The following GNG7 variants were observed in gnomAD, a reference collection of about 807,000 sequenced individuals.
GNG7 encodes the protein guanine nucleotide-binding protein G(I)/G(S)/G(O) subunit gamma-7.
GNG7 carries 1 observed loss-of-function variant against 4.0 expected under a neutral mutation model. The observed-to-expected ratio is 0.25, with a 90% CI of 0.09 to 1.18. The LOEUF is 1.18. GNG7 is among the 50% of genes most tolerant of loss of function. The probability of loss-of-function intolerance (pLI) is 0.50; values close to 1 mark genes in which losing one functional copy is unlikely to be tolerated. For missense variants in GNG7, 86 were observed against 91.9 expected (o/e 0.94, Z 0.26); for synonymous variants, 34 against 36.9 (o/e 0.92, Z 0.29).
intron 1 of GNG7, among the ~76,000 whole-genome samples, chr19:2,649,551 G>C (rs11669153): frequency 6.6e-6 from 1 of 151,680 alleles, no homozygotes; most frequent in Non-Finnish European, 1.5e-5. Flanking sequence ...CACCACCCCC[G>C]GCTAATTTTT....
At position 2,609,235 on chromosome 19, in the gene GNG7, A is replaced by G. The variant is rs571452467; in HGVS notation, c.-78+36989T>C. Among the ~76,000 whole-genome samples the G allele has an allele frequency of 2.9e-4, 44 of 152,190 alleles. No homozygotes were observed. The highest frequency in any genetic ancestry group is 1.1e-3 in the African/African-American group (44 of 41,524). On this transcript the variant is annotated intron_variant, in intron 2 of 4. Transcript: ENST00000382159. The surrounding 1 kb of genome is among the most constrained non-coding windows in gnomAD (Gnocchi z 4.4). ...GAGATGGGGGTCTCACTATGTTGCC[A>G]AGGCTGGTCTTGAACTCCTAGCCTC...
chr19:2,556,815 T>A (rs963789526), intron 2 of GNG7, among the ~76,000 whole-genome samples: 1 of 152,140 alleles, frequency 6.6e-6, no homozygotes, highest in African/African-American at 2.4e-5. Context: ...GGCGGGAGCA[T>A]CCTGGGCTCT....
intron 2 of GNG7, chr19:2,643,600 G>C (rs1330599572): frequency 2.3e-6 from 1 of 433,074 alleles, no homozygotes; most frequent in Non-Finnish European, 4.6e-6. Flanking sequence ...GCCCGGCTCC[G>C]TCGGCACCGG....
At chr19:2,660,682 T>C (rs1206052603) in intron 1 of GNG7, among the ~76,000 whole-genome samples, 1 of 152,124 alleles carries the variant, frequency 6.6e-6, no homozygotes, top group African/African-American at 2.4e-5. Flanking sequence ...TCACAGCTAC[T>C]TGGAAGCCTG....
chr19:2,694,762 C>G (rs1913205985), intron 1 of GNG7, among the ~76,000 whole-genome samples: 1 of 151,492 alleles, frequency 6.6e-6, no homozygotes, highest in African/African-American at 2.4e-5. Context: ...CTCCCCTAGC[C>G]CAGGTGTGAT....
At chr19:2,648,877 T>TG (rs1238853208) in intron 1 of GNG7, among the ~76,000 whole-genome samples, 9 of 151,786 alleles carry the variant, frequency 5.9e-5, no homozygotes, top group South Asian at 2.1e-4. Context: ...CATGTGTTTT[T>TG]TTTTTTGTTT....
At chr19:2,528,268 C>CT (rs1325961008) in intron 3 of GNG7, among the ~76,000 whole-genome samples, 1 of 52,490 alleles carries the variant, frequency 1.9e-5, no homozygotes, top group Admixed American at 2.5e-4. Flanking sequence ...GAGACCCTGT[C>CT]TAAAAAAAAA....
intron 2 of GNG7, among the ~76,000 whole-genome samples, chr19:2,636,811 G>A (rs965461536): frequency 6.6e-6 from 1 of 152,076 alleles, no homozygotes; most frequent in Non-Finnish European, 1.5e-5. Context: ...GGTAGTGACA[G>A]AGCTTAAAGA....
chr19:2,677,148 C>A (rs977705001), intron 1 of GNG7, among the ~76,000 whole-genome samples: 1 of 152,110 alleles, frequency 6.6e-6, no homozygotes, highest in Non-Finnish European at 1.5e-5. Context: ...GATCTGGGAA[C>A]GTCCTCTGGA....
At chr19:2,556,108 G>C (rs867555004) in intron 2 of GNG7, among the ~76,000 whole-genome samples, 2 of 152,346 alleles carry the variant, frequency 1.3e-5, no homozygotes, top group Middle Eastern at 3.4e-3. Context: ...CTGCCTTGCG[G>C]AGCGTCTACA....
At chr19:2,594,221 C>T (rs929502483) in intron 2 of GNG7, among the ~76,000 whole-genome samples, 2 of 151,714 alleles carry the variant, frequency 1.3e-5, no homozygotes, top group African/African-American at 4.8e-5. Context: ...AAATACAAAA[C>T]ACTTAGCTGG....
intron 3 of GNG7, among the ~76,000 whole-genome samples, chr19:2,533,235 A>AT (rs1978648862): frequency 6.7e-6 from 1 of 148,556 alleles, no homozygotes; most frequent in South Asian, 2.1e-4. Flanking sequence ...ATATTAATAT[A>AT]TTAAATATTA....
intron 3 of GNG7, among the ~76,000 whole-genome samples, chr19:2,536,620 GTA>G (rs1273942056): frequency 6.6e-6 from 1 of 152,170 alleles, no homozygotes; most frequent in Non-Finnish European, 1.5e-5. Flanking sequence ...TGTGTGGGTC[GTA>G]TATGTGACAG....
chr19:2,690,885 C>T (rs541987934), intron 1 of GNG7, among the ~76,000 whole-genome samples: 51 of 152,196 alleles, frequency 3.4e-4, no homozygotes, highest in Non-Finnish European at 5.4e-4. Context: ...CGAGCCACCG[C>T]GCCCGGCCAG....
At chr19:2,577,574 G>A (rs746113379) in intron 2 of GNG7, among the ~76,000 whole-genome samples, 8 of 151,992 alleles carry the variant, frequency 5.3e-5, no homozygotes, top group Admixed American at 5.2e-4. Flanking sequence ...GGTGGCTCAC[G>A]CCTGTAATCC....
rs190649339 is a variant in GNG7, at chr19:2,519,635, C to A, written c.81+973G>T. 1.8e-4 allele frequency among the ~76,000 whole-genome samples: 26 copies of A among 142,814 alleles called. 1 individual carries two copies. In the South Asian group the frequency reaches 5.4e-3, roughly 30 times the overall value. The allele number at this position is 142,814 out of a possible 152,430, so 93.7% of individuals were successfully genotyped here. A position where few individuals can be genotyped will look rare whatever the true frequency, so the allele number is the denominator to read the frequency against. Reference sequence around the variant, plus strand: ...TTTTGATGTGATTCACATTTAAATCCGTAGACTTCAAGCACAGCAGGTGAC... The same window carrying A: ...TTTTGATGTGATTCACATTTAAATCAGTAGACTTCAAGCACAGCAGGTGAC... On this transcript the variant is annotated intron_variant, in intron 4 of 4. Coordinates refer to ENST00000382159, the MANE Select transcript of GNG7 (RefSeq NM_052847.3).
At chr19:2,553,125 C>CAAAAA (rs36098274) in intron 3 of GNG7, among the ~76,000 whole-genome samples, 2 of 112,394 alleles carry the variant, frequency 1.8e-5, no homozygotes, top group Admixed American at 9.4e-5. Flanking sequence ...AAAGCAAAAC[C>CAAAAA]AAAAAAAAAA....
Position 2,512,018 on chromosome 19 carries a change from C to T in GNG7, c.*3004G>A, listed in dbSNP as rs78704597. Reference sequence around the variant, plus strand: ...GTCTCGCTCAGCAGCGGGGAAGGCCCGTGGGAGACCCAGGCTACAGAAGGA... The same window carrying T: ...GTCTCGCTCAGCAGCGGGGAAGGCCTGTGGGAGACCCAGGCTACAGAAGGA... On this transcript the variant is annotated 3_prime_UTR_variant, in exon 5 of 5. Coordinates refer to ENST00000382159, the MANE Select transcript of GNG7 (RefSeq NM_052847.3). The surrounding 1 kb of genome is among the most constrained non-coding windows in gnomAD (Gnocchi z 4.7). The T allele has an allele frequency of 4.1e-3, 4,017 of 985,844 alleles. 110 individuals are homozygous for T. In the African/African-American group the frequency reaches 0.065, roughly 16 times the overall value. 61.1% of individuals were successfully genotyped at this position (985,844 alleles called of 1,614,324 possible).
intron 2 of GNG7, among the ~76,000 whole-genome samples, chr19:2,570,863 T>G (rs1199777527): frequency 1.3e-5 from 2 of 152,134 alleles, no homozygotes; most frequent in African/African-American, 2.4e-5. Context: ...AGTGGTGCAA[T>G]CACAGCTCAC....
Sources: allele counts gnomAD v4.1 joint callset (sites outside exome capture counted in the v4.1 genomes callset), GRCh38; gene constraint gnomAD v4.1.1; non-coding constraint Gnocchi (gnomAD v3.1); transcripts MANE v1.5; gene names NCBI Gene and HGNC (gene_info 2026-07-23, HGNC 2026-07-21).